STK32A: variants seen among roughly 807,000 people sequenced by gnomAD.
STK32A encodes serine/threonine-protein kinase 32A.
In STK32A, 41 loss-of-function variants were observed where a neutral mutation model predicts 53.2. The observed-to-expected ratio is 0.77, with a 90% CI of 0.60 to 1.00. The LOEUF is 1.00. Among genes scored for constraint, STK32A ranks in the 50% least tolerant of loss-of-function variants. The probability of loss-of-function intolerance (pLI) is 0.00; values close to 1 mark genes in which losing one functional copy is unlikely to be tolerated. For synonymous variants in STK32A, 166 were observed against 162.8 expected, an observed-to-expected ratio of 1.02 and a Z score of -0.15; for missense variants, 458 against 485.8, an observed-to-expected ratio of 0.94 and a Z score of 0.54.
At chr5:147,251,899 A>G (rs1024900184) in intron 2 of STK32A, among the ~76,000 whole-genome samples, 2 of 152,170 alleles carry the variant, frequency 1.3e-5, no homozygotes, top group African/African-American at 4.8e-5. Context: ...GCCTTTATCC[A>G]TGTATTTAAC....
intron 4 of STK32A, among the ~76,000 whole-genome samples, chr5:147,318,352 C>A (rs1991069): frequency 3.9e-5 from 6 of 151,980 alleles, no homozygotes; most frequent in Admixed American, 6.5e-5. Flanking sequence ...TAATTTATTC[C>A]CATGCTCCCT....
the STK32A span, chr5:147,399,166 T>C: frequency 6.2e-7 from 1 of 1,614,214 alleles, no homozygotes; most frequent in Admixed American, 1.7e-5. Flanking sequence ...CAGATATTCT[T>C]CCCTTGCGGG....
intron 2 of STK32A, among the ~76,000 whole-genome samples, chr5:147,243,565 C>G (rs1753663334): frequency 8.0e-6 from 1 of 124,392 alleles, no homozygotes; most frequent in Non-Finnish European, 1.8e-5. Flanking sequence ...GGTGAAACCC[C>G]ATCTCTACTA....
intron 9 of STK32A, among the ~76,000 whole-genome samples, chr5:147,372,472 G>T (rs1013321011): frequency 6.6e-6 from 1 of 151,782 alleles, no homozygotes; most frequent in Non-Finnish European, 1.5e-5. Context: ...AGCAAATTCT[G>T]CTTAGTTCCA....
chr5:147,292,721 C>T (rs1016036214), intron 4 of STK32A, among the ~76,000 whole-genome samples: 9 of 152,004 alleles, frequency 5.9e-5, no homozygotes, highest in Admixed American at 3.3e-4. Flanking sequence ...ATTAGCCAGA[C>T]GTGGTGGCAC....
chr5:147,284,704 C>CAA (rs746647540), intron 4 of STK32A, among the ~76,000 whole-genome samples: 13 of 78,062 alleles, frequency 1.7e-4, no homozygotes, highest in African/African-American at 4.7e-4. Context: ...AACAAAAAAA[C>CAA]AACAAAAAAA....
chr5:147,383,932 G>A lies in STK32A; in HGVS notation c.1140G>A (p.Leu380=), dbSNP rs1467406462. 1.2e-6 allele frequency: 2 copies of A among 1,606,670 alleles called. No individual in the cohort carries two copies. The highest frequency in any genetic ancestry group is 1.3e-5 in the African/African-American group (1 of 74,078). ...ACAAAAGACAACCAAATCTAGCCTT[G>A]GAACAAACCAAAGACCCACAAGGTG... is the stretch of plus-strand genomic sequence containing the variant. ...DFNKRQPNLA[L]EQTKDPQGED... Residue 380 remains leucine, a synonymous_variant, in exon 13 of 13, where the codon TTG becomes TTA. Coordinates refer to ENST00000397936, the MANE Select transcript of STK32A (RefSeq NM_001112724.2).
chr5:147,401,555 T>C, the STK32A span: 15 of 1,612,456 alleles, frequency 9.3e-6, no homozygotes, highest in South Asian at 1.2e-4. Flanking sequence ...CAGCAAGGAG[T>C]TGATGTAGTC....
intron 6 of STK32A, chr5:147,348,692 C>T: frequency 1.3e-6 from 1 of 773,536 alleles, no homozygotes; most frequent in Admixed American, 1.7e-5. Flanking sequence ...GTTTTTAATA[C>T]AGATACCTGG....
intron 5 of STK32A, among the ~76,000 whole-genome samples, chr5:147,337,795 A>G (rs976599085): frequency 5.9e-5 from 9 of 152,148 alleles, no homozygotes; most frequent in African/African-American, 2.2e-4. Flanking sequence ...ATGAGTTTTG[A>G]TGTATAAAGA....
At chr5:147,303,232 T>C (rs1368615809) in intron 4 of STK32A, among the ~76,000 whole-genome samples, 1 of 152,200 alleles carries the variant, frequency 6.6e-6, no homozygotes, top group Non-Finnish European at 1.5e-5. Flanking sequence ...CCAAAACTTA[T>C]TAACTCAAAA....
chr5:147,343,909 G>C (rs1191381401), intron 6 of STK32A, among the ~76,000 whole-genome samples: 1 of 152,194 alleles, frequency 6.6e-6, no homozygotes, highest in African/African-American at 2.4e-5. Flanking sequence ...GGTGATAAGT[G>C]AATGCTGAAT....
chr5:147,315,751 G>GA (rs572295354), intron 4 of STK32A, among the ~76,000 whole-genome samples: 18 of 152,096 alleles, frequency 1.2e-4, no homozygotes, highest in African/African-American at 4.3e-4. Flanking sequence ...TACCACAATA[G>GA]AAAAAAATAC....
chr5:147,235,890 T>C (rs769578592), intron 1 of STK32A, among the ~76,000 whole-genome samples: 2 of 152,206 alleles, frequency 1.3e-5, no homozygotes, highest in Admixed American at 6.5e-5. Flanking sequence ...AATGATGATA[T>C]AAAGATGACC....
At chr5:147,398,953 G>C in the STK32A span, 3 of 1,271,720 alleles carry the variant, frequency 2.4e-6, no homozygotes, top group Non-Finnish European at 3.2e-6. Flanking sequence ...CTGAGATTTA[G>C]GGGATGGATT....
chr5:147,361,406 A>G, intron 7 of STK32A, 111 bp from the exon 8 acceptor site: 1 of 759,184 alleles, frequency 1.3e-6, no homozygotes, highest in South Asian at 1.5e-5. Flanking sequence ...AACATCCATA[A>G]AAGTGTTTAT....
At chr5:147,394,185 G>T in the STK32A span, 1 of 1,540,670 alleles carries the variant, frequency 6.5e-7, no homozygotes, top group South Asian at 1.1e-5. Context: ...AGGGGGATGT[G>T]GGCAAGAGAG....
intron 4 of STK32A, among the ~76,000 whole-genome samples, chr5:147,312,744 G>A (rs1274633810): frequency 2.0e-5 from 3 of 152,188 alleles, no homozygotes; most frequent in East Asian, 1.9e-4. Flanking sequence ...GAGAGAGAAA[G>A]CGCTGAAATA....
intron 4 of STK32A, among the ~76,000 whole-genome samples, chr5:147,285,291 C>CA (rs766644752): frequency 1.1e-4 from 16 of 152,138 alleles, no homozygotes; most frequent in African/African-American, 1.7e-4. Context: ...TCACCTTATA[C>CA]AAAAATCAAC....
Sources: allele counts gnomAD v4.1 joint callset (sites outside exome capture counted in the v4.1 genomes callset), GRCh38; gene constraint gnomAD v4.1.1; transcripts MANE v1.5; gene names NCBI Gene and HGNC (gene_info 2026-07-23, HGNC 2026-07-21).